The following CCDC121 variants were observed in gnomAD, a reference collection of about 807,000 sequenced individuals.
The protein encoded by CCDC121 is coiled-coil domain-containing protein 121.
For synonymous variants in CCDC121, 108 were observed against 120.0 expected, an observed-to-expected ratio of 0.90 and a Z score of 0.65; for missense variants, 238 against 304.1, an observed-to-expected ratio of 0.78 and a Z score of 1.62.
In CCDC121 at chr2:27,629,005, G is replaced by C; in HGVS notation, c.-174C>G. ...GTTCGCAGCCCAGAACATTGCGGAA[G>C]TTTCTCTACCCATGCGGTGTCTCTA... On this transcript the variant is annotated 5_prime_UTR_variant, in exon 1 of 2. Transcript: ENST00000324364. 2 of 1,610,296 alleles carry C rather than the reference G, an allele frequency of 1.2e-6. No homozygotes were observed. The highest frequency in any genetic ancestry group is 1.7e-6 in the Non-Finnish European group (2 of 1,178,026).
chr2:27,628,265 G>A (rs752232806), intron 1 of CCDC121: 5 of 899,144 alleles, frequency 5.6e-6, no homozygotes, highest in Non-Finnish European at 8.2e-6. Context: ...CAGCTACAAA[G>A]GGTCACAGAA....
In CCDC121 at chr2:27,627,046, T is replaced by A. The variant is rs771156292; in HGVS notation, c.754A>T (p.Asn252Tyr). The A allele has an allele frequency of 2.5e-6, 4 of 1,614,200 alleles. No individual in the cohort carries two copies. The highest frequency in any genetic ancestry group is 3.4e-6 in the Non-Finnish European group (4 of 1,180,028). ...ACATCCTGTCTATTTAGGCACTGAT[T>A]ATGACTTCCTTGCAGTCTCTGCCTC... Reference protein sequence around the residue: ...QARQRLQGSHNQCLNRQDVPK... With the variant: ...QARQRLQGSHYQCLNRQDVPK... The change falls in exon 2 of 2, where the codon AAT becomes TAT. Residue 252 changes from asparagine (N) to tyrosine (Y), a missense_variant. By Grantham distance (143) the Asn-to-Tyr change is moderately radical (BLOSUM62 -2). Transcript: ENST00000324364.
In CCDC121 at chr2:27,626,754, G is replaced by C. The variant is rs1464748198; in HGVS notation, c.*209C>G. 2.1e-6 allele frequency: 1 copy of C among 475,404 alleles called. No individual in the cohort carries two copies. Among genetic ancestry groups the C allele is most frequent in the African/African-American group, 2.0e-5 (1 of 50,742 alleles). The allele number at this position is 475,404 out of a possible 1,614,324, so 29.4% of individuals were successfully genotyped here. A position where few individuals can be genotyped will look rare whatever the true frequency, so the allele number is the denominator to read the frequency against. ...GAGGTTTGTGGAATAGCTTATTAAC[G>C]AGTATTTAAAGAAAAAGCTAGTTAA... On this transcript the variant is annotated 3_prime_UTR_variant, in exon 2 of 2. Coordinates refer to ENST00000324364, the MANE Select transcript of CCDC121 (RefSeq NM_024584.5).
chr2:27,628,774 C>G (rs1401035212), intron 1 of CCDC121, 176 bp downstream of exon 1: 1 of 1,531,016 alleles, frequency 6.5e-7, no homozygotes, highest in Non-Finnish European at 8.8e-7. Context: ...CTCTTCTGGC[C>G]TTCCTCCGGG....
At chr2:27,628,775 T>G in intron 1 of CCDC121, 175 bp downstream of exon 1, 2 of 1,527,488 alleles carry the variant, frequency 1.3e-6, no homozygotes, top group South Asian at 2.5e-5. Flanking sequence ...TCTTCTGGCC[T>G]TCCTCCGGGA....
At position 27,627,122 on chromosome 2, in the gene CCDC121, C is replaced by A; in HGVS notation, c.678G>T (p.Arg226Ser). The change falls in exon 2 of 2, where the codon AGG (arginine) becomes AGT (serine). Residue 226 changes from arginine to serine, a missense_variant. Arg to Ser is a moderately radical substitution (Grantham distance 110). Coordinates refer to ENST00000324364, the MANE Select transcript of CCDC121 (RefSeq NM_024584.5). ...ACTGTTCCTGCTGCAGCTGCTGCTT[C>A]CTGTTTTCTAAGTGGCTTTGAGTAG... ...LTATQSHLEN[R>S]KQQLQQEQWY... 6.2e-7 allele frequency: 1 copy of A among 1,614,104 alleles called. No homozygotes were observed. The highest frequency in any genetic ancestry group is 8.5e-7 in the Non-Finnish European group (1 of 1,179,982).
In CCDC121 at chr2:27,628,978, T is replaced by G. The variant is rs1411128387; in HGVS notation, c.-147A>C. ...CTCCTTTCTGACGCTGTGGTGGTTT[T>G]CGTTCGCAGCCCAGAACATTGCGGA... On this transcript the variant is annotated 5_prime_UTR_variant, in exon 1 of 2. Coordinates refer to ENST00000324364, the MANE Select transcript of CCDC121 (RefSeq NM_024584.5). 1 of 1,585,856 alleles carries G rather than the reference T, an allele frequency of 6.3e-7. No homozygotes were observed. The highest frequency in any genetic ancestry group is 8.6e-7 in the Non-Finnish European group (1 of 1,165,722).
Position 27,627,085 on chromosome 2 carries a change from A to T in CCDC121, c.715T>A (p.Ser239Thr). ...QLQQEQWYLE[S>T]LIQARQRLQG... ...AGTCTCTGCCTCGCCTGGATTAAGG[A>T]CTCCAGATACCACTGTTCCTGCTGC... Residue 239 changes from serine to threonine, a missense_variant, in exon 2 of 2, where the codon TCC becomes ACC. Transcript: ENST00000324364. The T allele has an allele frequency of 5.6e-6, 9 of 1,613,982 alleles. No individual in the cohort carries two copies. The highest frequency in any genetic ancestry group is 6.8e-6 in the Non-Finnish European group (8 of 1,179,996).
At chr2:27,628,346 ACCTTCAGTGACTGGAGGGGAGGAAGCTCC>A in intron 1 of CCDC121, 1 of 1,484,850 alleles carries the variant, frequency 6.7e-7, no homozygotes, top group Non-Finnish European at 9.0e-7. Context: ...TTTCTGAGGG[ACCTTCAGTGACTGGAGGGGAGGAAGCTCC>A]CCTCCAGTAC....
chr2:27,627,889 G>C lies in CCDC121; in HGVS notation c.-90C>G. 2 of 1,613,852 alleles carry C rather than the reference G, an allele frequency of 1.2e-6. No individual in the cohort carries two copies. The highest frequency in any genetic ancestry group is 8.5e-7 in the Non-Finnish European group (1 of 1,179,876). On this transcript the variant is annotated 5_prime_UTR_variant, in exon 2 of 2. Transcript: ENST00000324364. ...TTATTTATTAGACTATGATACGGTG[G>C]AAGGAGCCTTCTGGGGCCCTCAGCA...
Position 27,627,580 on chromosome 2 carries a change from C to A in CCDC121, c.220G>T (p.Glu74Ter). Residue 74 changes from glutamate (E) to a stop codon, truncating the protein, a stop_gained, in exon 2 of 2, where the codon GAA (glutamate) becomes TAA (stop). Transcript: ENST00000324364. LOFTEE classifies it low-confidence loss of function (END_TRUNC). ...TGTTCTGCATATCTGGAGGCTGATT[C>A]TTGTCTTCTTCGTTCAATCTCTCCA... ...KSGEIERRRQ[E>*]SASRYAEQIS... 2 of 1,614,118 alleles carry A rather than the reference C, an allele frequency of 1.2e-6. No homozygotes were observed. Among genetic ancestry groups the A allele is most frequent in the Non-Finnish European group, 1.7e-6 (2 of 1,180,018 alleles).
intron 1 of CCDC121, chr2:27,628,204 G>T: frequency 1.5e-6 from 1 of 649,806 alleles, no homozygotes; most frequent in Non-Finnish European, 2.6e-6. Flanking sequence ...CTAGCAAGTG[G>T]CAGAGCCTGG....
At chr2:27,628,456 G>A in intron 1 of CCDC121, 9 of 1,551,538 alleles carry the variant, frequency 5.8e-6, no homozygotes, top group South Asian at 1.2e-5. Context: ...GAGGGTGACT[G>A]CCAAGGAATG....
chr2:27,627,918 C>A lies in CCDC121; in HGVS notation c.-118-1G>T. On this transcript the variant is annotated splice_acceptor_variant, in intron 1 of 1. Transcript: ENST00000324364. LOFTEE classifies it low-confidence loss of function (5UTR_SPLICE). Reference sequence around the variant, plus strand: ...GAGCCTTCTGGGGCCCTCAGCAAACCTGAAAGAACAAACGAGACATTCCTC... The same window carrying A: ...GAGCCTTCTGGGGCCCTCAGCAAACATGAAAGAACAAACGAGACATTCCTC... The A allele has an allele frequency of 6.3e-7, 1 of 1,599,976 alleles. No homozygotes were observed. The highest frequency in any genetic ancestry group is 8.6e-7 in the Non-Finnish European group (1 of 1,168,264).
chr2:27,628,593 C>T lies in CCDC121; in HGVS notation c.-119+357G>A, dbSNP rs60394995. 2.7e-3 allele frequency: 4,235 copies of T among 1,551,564 alleles called. 102 individuals carry two copies. In the African/African-American group the frequency reaches 0.051, roughly 19 times the overall value. ...CTGCCCAGCAACCCTGGAGACTGCA[C>T]CCTGCTCCAGTCCCGGCTGGTCCAG... On this transcript the variant is annotated intron_variant, in intron 1 of 1. Transcript: ENST00000324364.
intron 1 of CCDC121, chr2:27,628,388 A>C (rs563048922): frequency 1.3e-6 from 2 of 1,550,542 alleles, no homozygotes; most frequent in South Asian, 1.2e-5. Flanking sequence ...TCCAGTACCT[A>C]CTTGCACCTG....
At chr2:27,628,352 A>G in intron 1 of CCDC121, 2 of 1,505,260 alleles carry the variant, frequency 1.3e-6, no homozygotes, top group Non-Finnish European at 1.8e-6. Context: ...AGGGACCTTC[A>G]GTGACTGGAG....
Position 27,626,740 on chromosome 2 carries a change from A to C in CCDC121, c.*223T>G. ...TGTTAGGTTAACTGGAGGTTTGTGG[A>C]ATAGCTTATTAACGAGTATTTAAAG... On this transcript the variant is annotated 3_prime_UTR_variant, in exon 2 of 2. Transcript: ENST00000324364. 2.2e-6 allele frequency: 1 copy of C among 452,756 alleles called. No individual in the cohort carries two copies. Among genetic ancestry groups the C allele is most frequent in the Non-Finnish European group, 3.9e-6 (1 of 255,932 alleles). The allele number at this position is 452,756 out of a possible 1,614,324, so 28.0% of individuals were successfully genotyped here.
At chr2:27,628,783 G>A in intron 1 of CCDC121, 167 bp downstream of exon 1, 2 of 1,522,482 alleles carry the variant, frequency 1.3e-6, no homozygotes, top group Non-Finnish European at 1.8e-6. Context: ...CCTTCCTCCG[G>A]GAGACAAAAG....
Sources: gnomAD v4.1 joint callset for allele counts on GRCh38, gnomAD v4.1.1 for gene constraint, MANE v1.5 for transcripts, NCBI Gene and HGNC (gene_info 2026-07-23, HGNC 2026-07-21) for gene names.